The following ANKS1B variants were observed in gnomAD, a reference collection of about 807,000 sequenced individuals.
ANKS1B encodes ankyrin repeat and sterile alpha motif domain containing 1B, also known as ankyrin repeat and sterile alpha motif domain-containing protein 1B.
Under a neutral mutation model 148.3 loss-of-function variants are expected in ANKS1B, and 36 were observed. The ratio of observed to expected loss-of-function variants is 0.24; its 90% CI spans 0.19 to 0.32. The LOEUF (loss-of-function observed/expected upper bound fraction) is 0.32. Ranked by LOEUF, ANKS1B falls within the 10% of genes least tolerant of loss-of-function variation. ANKS1B has a pLI of 1.00. For synonymous variants in ANKS1B, 542 were observed against 560.8 expected, an observed-to-expected ratio of 0.97 and a Z score of 0.47; for missense variants, 1,157 against 1,542.6, an observed-to-expected ratio of 0.75 and a Z score of 4.19.
At chr12:99,850,259 A>G (rs2087496349) in intron 1 of ANKS1B, among the ~76,000 whole-genome samples, 1 of 134,266 alleles carries the variant, frequency 7.4e-6, no homozygotes, top group Non-Finnish European at 1.6e-5. Context: ...TTCGCATTTG[A>G]GAAAACAGCA....
chr12:99,632,200 C>A (rs1310857621), intron 9 of ANKS1B, among the ~76,000 whole-genome samples: 1 of 152,110 alleles, frequency 6.6e-6, no homozygotes, highest in Non-Finnish European at 1.5e-5. Flanking sequence ...TGGTACAAGT[C>A]ATAAACTATA....
At chr12:98,895,426 C>T in intron 17 of ANKS1B, 2 of 506,280 alleles carry the variant, frequency 4.0e-6, no homozygotes, top group Non-Finnish European at 5.1e-6. Flanking sequence ...GCCACTGCCG[C>T]TGTTACTGCG....
intron 17 of ANKS1B, among the ~76,000 whole-genome samples, chr12:98,962,698 A>G (rs1157254712): frequency 6.6e-6 from 1 of 152,204 alleles, no homozygotes; most frequent in African/African-American, 2.4e-5. Flanking sequence ...TTAGGCCACA[A>G]AACAAGTCTA....
chr12:99,441,828 C>T (rs573286538), intron 11 of ANKS1B, among the ~76,000 whole-genome samples: 19 of 151,812 alleles, frequency 1.3e-4, no homozygotes, highest in Non-Finnish European at 2.4e-4. Context: ...TCAAAGATAA[C>T]CAGGTGAACC....
intron 12 of ANKS1B, among the ~76,000 whole-genome samples, chr12:99,296,462 T>G (rs61940246): frequency 0.14 from 21,846 of 152,184 alleles, 2,086 homozygotes; most frequent in Non-Finnish European, 0.22. Flanking sequence ...ATTTATCTTC[T>G]TTTCTCTTTA....
intron 4 of ANKS1B, among the ~76,000 whole-genome samples, chr12:99,793,760 G>A (rs1423224915): frequency 2.0e-5 from 3 of 151,994 alleles, no homozygotes; most frequent in East Asian, 1.9e-4. Context: ...TATTGGTCTC[G>A]GCAAAGATTT....
intron 17 of ANKS1B, among the ~76,000 whole-genome samples, chr12:98,857,605 T>A (rs1244251770): frequency 6.6e-6 from 1 of 152,002 alleles, no homozygotes; most frequent in Admixed American, 6.6e-5. Context: ...CTTCATGCTC[T>A]CGGTGTAGTG....
intron 25 of ANKS1B, among the ~76,000 whole-genome samples, chr12:98,766,712 G>A (rs2098485069): frequency 6.6e-6 from 1 of 152,154 alleles, no homozygotes; most frequent in Non-Finnish European, 1.5e-5. Flanking sequence ...CACTTTGTGG[G>A]ACAATCTCTG....
intron 9 of ANKS1B, among the ~76,000 whole-genome samples, chr12:98,738,124 C>A (rs1008038841): frequency 1.5e-4 from 23 of 152,184 alleles, no homozygotes; most frequent in Non-Finnish European, 2.9e-5. Flanking sequence ...ACATTTGAGA[C>A]GTAGCAGAGA....
Position 99,493,723 on chromosome 12 carries a change from G to C in ANKS1B, c.1438+10753C>G, listed in dbSNP as rs1449942681. ...GAAATTCAGCATGAAGAAAAGGTTT[G>C]GGGGGAAAGATGTGGGAGTTTAGTT... is the stretch of plus-strand genomic sequence containing the variant. On this transcript the variant is annotated intron_variant, in intron 10 of 26. Coordinates refer to ENST00000683438, the MANE Select transcript of ANKS1B (RefSeq NM_001352186.2). Among the ~76,000 whole-genome samples, 5 of 152,236 alleles carry C rather than the reference G, an allele frequency of 3.3e-5. No homozygotes were observed. The East Asian group carries it at 9.7e-4, about 29-fold the overall frequency.
rs546061991 is a variant in ANKS1B at position 99,639,134 on chromosome 12, C to T, written c.1272+15933G>A. On this transcript the variant is annotated intron_variant, in intron 9 of 26. Transcript: ENST00000683438. The stretch of plus-strand genomic sequence containing the variant: ...GAAATGTGGGGTTGGAGCCCCCAAA[C>T]AGAGTCCCCACTGGGGGACTACCTA... Among the ~76,000 whole-genome samples the T allele has an allele frequency of 4.9e-3, 753 of 152,354 alleles. 5 individuals are homozygous for T. The highest frequency in any genetic ancestry group is 0.017 in the African/African-American group (724 of 41,582).
At chr12:99,490,536 C>T (rs956842693) in intron 10 of ANKS1B, among the ~76,000 whole-genome samples, 2 of 152,124 alleles carry the variant, frequency 1.3e-5, no homozygotes, top group Non-Finnish European at 2.9e-5. Context: ...AAAAATAACA[C>T]CTAAGAATAA....
chr12:99,569,294 A>T (rs1446143363), intron 9 of ANKS1B, among the ~76,000 whole-genome samples: 1 of 152,180 alleles, frequency 6.6e-6, no homozygotes, highest in Non-Finnish European at 1.5e-5. Flanking sequence ...AGAGGCTGGG[A>T]ACTGCTTCAT....
chr12:99,355,879 CT>C (rs1208009739), intron 12 of ANKS1B, among the ~76,000 whole-genome samples: 1 of 151,918 alleles, frequency 6.6e-6, no homozygotes, highest in Admixed American at 6.6e-5. Flanking sequence ...CAAACCTACC[CT>C]TCGTAGTGTT....
chr12:98,757,803 A>T (rs1340552987), intron 25 of ANKS1B, among the ~76,000 whole-genome samples: 3 of 152,210 alleles, frequency 2.0e-5, no homozygotes, highest in Non-Finnish European at 4.4e-5. Flanking sequence ...ATATAAGCTC[A>T]TTGGAAGATA....
chr12:99,065,256 C>G (rs2043742642), intron 16 of ANKS1B, among the ~76,000 whole-genome samples: 1 of 152,162 alleles, frequency 6.6e-6, no homozygotes, highest in Non-Finnish European at 1.5e-5. Flanking sequence ...TCAGGAATAT[C>G]ATTTGCATAC....
At chr12:99,767,974 G>C (rs1480437474) in intron 8 of ANKS1B, among the ~76,000 whole-genome samples, 1 of 152,016 alleles carries the variant, frequency 6.6e-6, no homozygotes, top group East Asian at 1.9e-4. Context: ...AAGATGGCTG[G>C]TTTTGTATTT....
chr12:98,878,015 T>C (rs1232063233), intron 17 of ANKS1B, among the ~76,000 whole-genome samples: 2 of 152,150 alleles, frequency 1.3e-5, no homozygotes, highest in African/African-American at 4.8e-5. Flanking sequence ...TCTTTTATTT[T>C]CTTCTTCGAA....
At chr12:99,617,746 G>A (rs1467354141) in intron 9 of ANKS1B, among the ~76,000 whole-genome samples, 1 of 151,792 alleles carries the variant, frequency 6.6e-6, no homozygotes, top group African/African-American at 2.4e-5. Flanking sequence ...CATGGCACAT[G>A]TCTACCTATG....
Sources: gnomAD v4.1 joint callset for allele counts (sites outside exome capture counted in the v4.1 genomes callset) on GRCh38, gnomAD v4.1.1 for gene constraint, MANE v1.5 for transcripts, NCBI Gene and HGNC (gene_info 2026-07-23, HGNC 2026-07-21) for gene names.